The following FAM135B variants were observed in gnomAD, a reference collection of about 807,000 sequenced individuals.
FAM135B encodes the protein protein FAM135B.
FAM135B carries 43 observed loss-of-function variants against 127.7 expected under a neutral mutation model. The observed-to-expected ratio is 0.34, with a 90% CI of 0.26 to 0.43. The LOEUF is 0.43. FAM135B is among the 20% of genes least tolerant of loss of function. The pLI is 1.00. For synonymous variants in FAM135B, 670 were observed against 665.1 expected, an observed-to-expected ratio of 1.01 and a Z score of -0.11; for missense variants, 1,558 against 1,725.6, an observed-to-expected ratio of 0.90 and a Z score of 1.72.
intron 1 of FAM135B, among the ~76,000 whole-genome samples, chr8:138,457,200 G>A (rs528527982): frequency 5.9e-5 from 9 of 152,178 alleles, no homozygotes; most frequent in Non-Finnish European, 8.8e-5. Flanking sequence ...AGTGTGTGCC[G>A]ACACACAGAG....
At chr8:138,321,688 T>C (rs1052105410) in intron 2 of FAM135B, among the ~76,000 whole-genome samples, 8 of 152,190 alleles carry the variant, frequency 5.3e-5, no homozygotes, top group African/African-American at 1.9e-4. Flanking sequence ...TGATTTGTAA[T>C]ATGCAAAGTG....
At chr8:138,414,638 A>G (rs1834040943) in intron 1 of FAM135B, among the ~76,000 whole-genome samples, 1 of 151,550 alleles carries the variant, frequency 6.6e-6, no homozygotes, top group Non-Finnish European at 1.5e-5. Flanking sequence ...TAGCTTCAAG[A>G]GATTATTAAC....
intron 7 of FAM135B, among the ~76,000 whole-genome samples, chr8:138,207,663 G>C (rs1282100308): frequency 6.6e-6 from 1 of 152,174 alleles, no homozygotes. Context: ...CATACTGTGG[G>C]TGAGAAGGCT....
chr8:138,310,935 G>A lies in FAM135B; in HGVS notation c.78-15C>T, dbSNP rs2130894280. On this transcript the variant is annotated splice_polypyrimidine_tract_variant and intron_variant, in intron 2 of 19. Transcript: ENST00000395297. ...TCTGGTAATACCTAAGAAAAGAGAAGAGGACAGGGTGCTGAAGATCAGCCT... is the reference window on the plus strand; with the variant it reads ...TCTGGTAATACCTAAGAAAAGAGAAAAGGACAGGGTGCTGAAGATCAGCCT... The A allele has an allele frequency of 1.2e-6, 2 of 1,606,732 alleles. No homozygotes were observed. Among genetic ancestry groups the A allele is most frequent in the Non-Finnish European group, 1.7e-6 (2 of 1,175,132 alleles).
intron 7 of FAM135B, among the ~76,000 whole-genome samples, chr8:138,229,660 TG>T (rs1722179245): frequency 6.6e-6 from 1 of 152,206 alleles, no homozygotes. Flanking sequence ...TGTATTAGTC[TG>T]TTCTCATGCT....
chr8:138,476,720 G>A (rs904240577), intron 1 of FAM135B, among the ~76,000 whole-genome samples: 3 of 151,968 alleles, frequency 2.0e-5, no homozygotes, highest in Admixed American at 2.0e-4. Context: ...TAAATTAAAG[G>A]GCTCTGGGCA....
intron 3 of FAM135B, among the ~76,000 whole-genome samples, chr8:138,292,572 C>T (rs1196193651): frequency 2.0e-5 from 3 of 152,106 alleles, no homozygotes; most frequent in South Asian, 4.1e-4. Flanking sequence ...AGATTAAATG[C>T]TATTCCTATT....
At chr8:138,427,413 A>C (rs1411817439) in intron 1 of FAM135B, among the ~76,000 whole-genome samples, 1 of 152,004 alleles carries the variant, frequency 6.6e-6, no homozygotes, top group Non-Finnish European at 1.5e-5. Context: ...TGATTTCTCC[A>C]AAATTTCTCA....
chr8:138,464,007 G>C (rs1837262829), intron 1 of FAM135B, among the ~76,000 whole-genome samples: 1 of 152,178 alleles, frequency 6.6e-6, no homozygotes, highest in South Asian at 2.1e-4. Flanking sequence ...TCAGTACCTT[G>C]CATTTATTTT....
Position 138,172,985 on chromosome 8 carries a change from G to A in FAM135B, c.1103+4362C>T, listed in dbSNP as rs527252671. On this transcript the variant is annotated intron_variant, in intron 11 of 19. Transcript: ENST00000395297. ...CGGCCTTGCACACCTGTGTCTGAGC[G>A]TGCATGGCCCCTGTTCAGCACATGG... 2.6e-4 allele frequency among the ~76,000 whole-genome samples: 40 copies of A among 152,310 alleles called. No homozygotes were observed. In the South Asian group the frequency reaches 3.1e-3, roughly 12 times the overall value.
chr8:138,227,075 A>G (rs950510975), intron 7 of FAM135B, among the ~76,000 whole-genome samples: 1 of 152,198 alleles, frequency 6.6e-6, no homozygotes, highest in African/African-American at 2.4e-5. Flanking sequence ...TCAGCAGGAA[A>G]GATATGTTCT....
At chr8:138,254,181 A>C (rs1413524124) in intron 5 of FAM135B, among the ~76,000 whole-genome samples, 2 of 152,236 alleles carry the variant, frequency 1.3e-5, no homozygotes, top group African/African-American at 4.8e-5. Context: ...TCTATTTTGT[A>C]ACTGAAACTA....
intron 1 of FAM135B, among the ~76,000 whole-genome samples, chr8:138,486,537 G>A (rs1306584921): frequency 1.3e-5 from 2 of 152,140 alleles, no homozygotes; most frequent in East Asian, 1.9e-4. Context: ...CACAGCTGAC[G>A]GGAGCTGCTT....
In FAM135B at chr8:138,295,753, A is replaced by G. The variant is rs144281751; in HGVS notation, c.157+15088T>C. 6.4e-3 allele frequency among the ~76,000 whole-genome samples: 971 copies of G among 152,344 alleles called. 11 individuals carry two copies. Among genetic ancestry groups the G allele is most frequent in the African/African-American group, 0.022 (920 of 41,582 alleles). ...ACCCATGGTTAGGAAGCAGAAAGGA[A>G]TGTTCAGATGAAATATTAAGGAAAG... On this transcript the variant is annotated intron_variant, in intron 3 of 19. Transcript: ENST00000395297.
intron 7 of FAM135B, among the ~76,000 whole-genome samples, chr8:138,221,890 T>C (rs1019166362): frequency 1.1e-4 from 16 of 152,244 alleles, no homozygotes; most frequent in Admixed American, 8.5e-4. Flanking sequence ...TATCCAGCCC[T>C]GAAAAATATA....
chr8:138,450,212 T>C (rs1313199967), intron 1 of FAM135B, among the ~76,000 whole-genome samples: 1 of 152,250 alleles, frequency 6.6e-6, no homozygotes, highest in African/African-American at 2.4e-5. Context: ...TATTTCATTG[T>C]CTGGGTGCTG....
rs916107494 is a variant in FAM135B at position 138,132,433 on chromosome 8, T to C, written c.*160A>G. Reference sequence around the variant, plus strand: ...TCTATTTGCTCAGCTTTCTCGAATCTCCAAAACAAAAGCACCTCTCATGTC... The same window carrying C: ...TCTATTTGCTCAGCTTTCTCGAATCCCCAAAACAAAAGCACCTCTCATGTC... On this transcript the variant is annotated 3_prime_UTR_variant, in exon 20 of 20. Coordinates refer to ENST00000395297, the MANE Select transcript of FAM135B (RefSeq NM_015912.4). This position sits in a 1 kb window ranked among gnomAD's most constrained non-coding sequence, Gnocchi z 4.5. 6 of 640,570 alleles carry C rather than the reference T, an allele frequency of 9.4e-6. No homozygotes were observed. Among genetic ancestry groups the C allele is most frequent in the African/African-American group, 1.8e-5 (1 of 55,090 alleles). The allele number at this position is 640,570 out of a possible 1,614,324, so 39.7% of individuals were successfully genotyped here.
intron 11 of FAM135B, among the ~76,000 whole-genome samples, chr8:138,170,335 G>C (rs1820320859): frequency 6.8e-6 from 1 of 147,818 alleles, no homozygotes; most frequent in Non-Finnish European, 1.5e-5. Context: ...CGATTTTCCT[G>C]CCTCAGGCTC....
At chr8:138,350,823 C>T (rs1302461236) in intron 2 of FAM135B, among the ~76,000 whole-genome samples, 1 of 152,162 alleles carries the variant, frequency 6.6e-6, no homozygotes, top group Non-Finnish European at 1.5e-5. Context: ...ACATTTTATA[C>T]CTGTATACTT....
Sources: allele counts gnomAD v4.1 joint callset (sites outside exome capture counted in the v4.1 genomes callset), GRCh38; gene constraint gnomAD v4.1.1; non-coding constraint Gnocchi (gnomAD v3.1); transcripts MANE v1.5; gene names NCBI Gene and HGNC (gene_info 2026-07-23, HGNC 2026-07-21).